Variants in TENM1 observed in about 807,000 individuals in gnomAD.
TENM1 encodes teneurin transmembrane protein 1, also known as teneurin-1.
TENM1 carries 35 observed loss-of-function variants against 174.8 expected under a neutral mutation model. That is an observed-to-expected ratio of 0.20 (90% CI 0.15 to 0.27). The LOEUF is 0.27. Among genes scored for constraint, TENM1 ranks in the 10% least tolerant of loss-of-function variants. TENM1 has a pLI of 1.00. For synonymous variants in TENM1, 781 were observed against 798.7 expected (o/e 0.98, Z 0.37); for missense variants, 1,633 against 2,130.1 (o/e 0.77, Z 4.59).
intron 11 of TENM1, among the ~76,000 whole-genome samples, chrX:124,587,430 C>A (rs1435035498): frequency 9.2e-6 from 1 of 108,681 alleles, no homozygotes; most frequent in African/African-American, 3.4e-5. Flanking sequence ...GAAAAACAAG[C>A]AATGGGGAAA....
intron 1 of TENM1, among the ~76,000 whole-genome samples, chrX:124,938,285 A>T (rs1300553627): frequency 8.9e-6 from 1 of 112,191 alleles, no homozygotes; most frequent in African/African-American, 3.2e-5. Flanking sequence ...AGTTCAAATT[A>T]TAAGGGCAAA....
chrX:124,904,503 A>G (rs1168684149), intron 1 of TENM1, among the ~76,000 whole-genome samples: 3 of 112,468 alleles, frequency 2.7e-5, no homozygotes, highest in Non-Finnish European at 5.6e-5. Flanking sequence ...TTAACATAAA[A>G]CAATGCCTAC....
the TENM1 span, among the ~76,000 whole-genome samples, chrX:125,051,482 G>A: frequency 9.0e-6 from 1 of 111,127 alleles, no homozygotes. Context: ...CATGGTCTTG[G>A]TACCAAAACA....
At chrX:124,467,915 T>TG (rs1169243906) in intron 22 of TENM1, among the ~76,000 whole-genome samples, 1 of 109,040 alleles carries the variant, frequency 9.2e-6, no homozygotes, top group Non-Finnish European at 1.9e-5. Flanking sequence ...CACGCCACCA[T>TG]GCCCAGCTAA....
At chrX:124,864,598 C>T (rs1388083765) in intron 3 of TENM1, among the ~76,000 whole-genome samples, 4 of 111,188 alleles carry the variant, frequency 3.6e-5, no homozygotes, top group African/African-American at 1.3e-4. Flanking sequence ...TAAAGCATGA[C>T]TACAGGATCT....
Position 124,894,353 on chromosome X carries a change from C to T in TENM1, c.479-1G>A. ...CAACAAACAGGAGAGAATTTGAAAC[C>T]TGTAACAGTAAACATTTCACTAGTT... On this transcript the variant is annotated splice_acceptor_variant, in intron 2 of 31. Coordinates refer to ENST00000422452, the Ensembl canonical transcript of TENM1. LOFTEE classifies it high-confidence loss of function. 8.4e-7 allele frequency: 1 copy of T among 1,189,805 alleles called. No homozygotes were observed. Among genetic ancestry groups the T allele is most frequent in the Non-Finnish European group, 1.1e-6 (1 of 881,120 alleles).
intron 4 of TENM1, among the ~76,000 whole-genome samples, chrX:124,729,722 G>A (rs2053520518): frequency 8.9e-6 from 1 of 112,374 alleles, no homozygotes; most frequent in African/African-American, 3.2e-5. Context: ...TAACACAGAA[G>A]GCAGGCAGCA....
intron 23 of TENM1, among the ~76,000 whole-genome samples, chrX:124,440,774 G>A (rs960739675): frequency 1.8e-5 from 2 of 111,079 alleles, no homozygotes; most frequent in Non-Finnish European, 3.8e-5. Flanking sequence ...GAGCCACTAG[G>A]GACTCTGAAA....
rs867960707 is a variant in TENM1 at position 124,704,886 on chromosome X, G to C, written c.1015+127C>G. 21 of 474,075 alleles carry C rather than the reference G, an allele frequency of 4.4e-5. No individual in the cohort carries two copies. In the South Asian group the frequency reaches 6.8e-4, roughly 15 times the overall value. The allele number at this position is 474,075 out of a possible 1,213,427, so 39.1% of individuals were successfully genotyped here. A position where few individuals can be genotyped will look rare whatever the true frequency, so the allele number is the denominator to read the frequency against. On this transcript the variant is annotated intron_variant, in intron 5 of 31. Transcript: ENST00000422452. The stretch of plus-strand genomic sequence containing the variant: ...AAAAAAAAAAGAAGAAAATCAATTT[G>C]TTATCATACTAAGCCTAGGTCCAAA...
At chrX:124,552,367 G>C (rs140326245) in intron 14 of TENM1, among the ~76,000 whole-genome samples, 2,335 of 111,055 alleles carry the variant, frequency 0.021, 18 homozygotes, top group Middle Eastern at 0.037. Flanking sequence ...GAAGGTAATA[G>C]GACTGTATTT....
At chrX:124,722,011 T>C (rs1486053927) in intron 4 of TENM1, among the ~76,000 whole-genome samples, 2 of 112,234 alleles carry the variant, frequency 1.8e-5, no homozygotes, top group African/African-American at 6.5e-5. Flanking sequence ...TAGCTACAAG[T>C]GTATCTACTA....
chrX:124,446,751 G>A (rs2060969147), intron 23 of TENM1, among the ~76,000 whole-genome samples: 2 of 112,639 alleles, frequency 1.8e-5, no homozygotes, highest in Non-Finnish European at 3.8e-5. Context: ...GAGTTGGAAG[G>A]AACCTTGAGA....
the TENM1 span, among the ~76,000 whole-genome samples, chrX:124,978,655 T>C: frequency 1.8e-5 from 2 of 111,946 alleles, no homozygotes; most frequent in Non-Finnish European, 3.8e-5. Flanking sequence ...GTCACTCCTG[T>C]GTCCTTGTAG....
At chrX:124,752,994 A>G (rs1337447151) in intron 3 of TENM1, among the ~76,000 whole-genome samples, 1 of 110,835 alleles carries the variant, frequency 9.0e-6, no homozygotes, top group Non-Finnish European at 1.9e-5. Context: ...TTGGTTCCAT[A>G]TGAACGTTAG....
At chrX:124,379,174 T>C (rs977393855) in exon 32 of TENM1, 1 of 112,227 alleles carries the variant, frequency 8.9e-6, no homozygotes, top group African/African-American at 3.3e-5. Flanking sequence ...TTTTAAATGA[T>C]CGCAGAACAA....
intron 18 of TENM1, among the ~76,000 whole-genome samples, chrX:124,505,100 C>T (rs1041005787): frequency 8.0e-5 from 9 of 111,920 alleles, no homozygotes; most frequent in African/African-American, 2.9e-4. Context: ...TTAGGAGGGC[C>T]CCACACTTGA....
At chrX:124,501,792 G>A (rs1196199964) in intron 19 of TENM1, among the ~76,000 whole-genome samples, 2 of 111,451 alleles carry the variant, frequency 1.8e-5, no homozygotes, top group Non-Finnish European at 3.8e-5. Flanking sequence ...AACTGCCTTT[G>A]TGGGTGGGAT....
intron 18 of TENM1, among the ~76,000 whole-genome samples, chrX:124,511,484 T>C (rs973258399): frequency 4.5e-5 from 5 of 111,197 alleles, no homozygotes; most frequent in African/African-American, 9.8e-5. Context: ...AGAGGCAGCA[T>C]TGAAAGGCAT....
chrX:124,905,825 G>A (rs1159205021), intron 1 of TENM1, among the ~76,000 whole-genome samples: 2 of 111,753 alleles, frequency 1.8e-5, no homozygotes, highest in Non-Finnish European at 3.8e-5. Context: ...GACAGCACAT[G>A]CGTGCAAGAA....
Sources: gnomAD v4.1 joint callset for allele counts (sites outside exome capture counted in the v4.1 genomes callset) on GRCh38, gnomAD v4.1.1 for gene constraint, MANE v1.5 for transcripts, NCBI Gene and HGNC (gene_info 2026-07-23, HGNC 2026-07-21) for gene names.